The following CACNA1C variants were observed in gnomAD, a reference collection of about 807,000 sequenced individuals.
The protein encoded by CACNA1C is voltage-dependent L-type calcium channel subunit alpha-1C.
Under a neutral mutation model 229.0 loss-of-function variants are expected in CACNA1C, and 30 were observed. The ratio of observed to expected loss-of-function variants is 0.13; its 90% CI spans 0.10 to 0.18. The LOEUF (loss-of-function observed/expected upper bound fraction) is 0.18, where lower values mean the gene tolerates loss of function less well. Among genes scored for constraint, CACNA1C ranks in the 10% least tolerant of loss-of-function variants. The pLI, the probability that CACNA1C is intolerant of heterozygous loss-of-function variation, is 1.00. For synonymous variants in CACNA1C, 1,114 were observed against 1,132.5 expected, an observed-to-expected ratio of 0.98 and a Z score of 0.33; for missense variants, 1,658 against 2,845.0, an observed-to-expected ratio of 0.58 and a Z score of 9.49.
At chr12:2,030,271 C>T (rs1347386065) in intron 1 of CACNA1C, among the ~76,000 whole-genome samples, 1 of 152,136 alleles carries the variant, frequency 6.6e-6, no homozygotes, top group Non-Finnish European at 1.5e-5. Context: ...CTTTTTTAAG[C>T]TTGGATCCAA....
chr12:2,250,526 CAG>C (rs1032714500), intron 3 of CACNA1C, among the ~76,000 whole-genome samples: 4 of 152,212 alleles, frequency 2.6e-5, no homozygotes, highest in East Asian at 1.9e-4. Context: ...AGCAACTACT[CAG>C]GGGGACAAAC....
At chr12:2,478,908 G>A (rs1009650453) in intron 5 of CACNA1C, among the ~76,000 whole-genome samples, 27 of 152,186 alleles carry the variant, frequency 1.8e-4, no homozygotes, top group Admixed American at 1.6e-3. Context: ...GTAGCCTCAA[G>A]AAAGGGAACC....
At chr12:2,422,428 C>T (rs1296551161) in intron 3 of CACNA1C, among the ~76,000 whole-genome samples, 1 of 152,026 alleles carries the variant, frequency 6.6e-6, no homozygotes, top group African/African-American at 2.4e-5. Flanking sequence ...TTGGTGCCTC[C>T]CCAGCCATCT....
Position 2,605,051 on chromosome 12 carries a change from C to CT in CACNA1C, c.2961-28dup. 1 of 1,552,270 alleles carries CT rather than the reference C, an allele frequency of 6.4e-7. No individual in the cohort carries two copies. Among genetic ancestry groups the CT allele is most frequent in the Non-Finnish European group, 8.9e-7 (1 of 1,123,638 alleles). ...TTGCTCCCCCCAGAAACAGGAGGAG[C>CT]TTACTACCCTGCCTGTTTCCCTCTC... is the stretch of plus-strand genomic sequence containing the variant. On this transcript the variant is annotated intron_variant, in intron 22 of 46. Transcript: ENST00000399655. This position sits in a 1 kb window ranked among gnomAD's most constrained non-coding sequence, Gnocchi z 6.2.
intron 1 of CACNA1C, among the ~76,000 whole-genome samples, chr12:2,028,583 A>G (rs552137218): frequency 5.9e-5 from 9 of 152,282 alleles, no homozygotes; most frequent in African/African-American, 9.6e-5. Context: ...TTAGAACTAA[A>G]ATAAAATACA....
At position 2,115,245 on chromosome 12, in the gene CACNA1C, G is replaced by T; in HGVS notation, c.71G>T (p.Arg24Leu). 1 of 1,580,032 alleles carries T rather than the reference G, an allele frequency of 6.3e-7. No individual in the cohort carries two copies. The highest frequency in any genetic ancestry group is 8.6e-7 in the Non-Finnish European group (1 of 1,161,556). Residue 24 changes from arginine to leucine, a missense_variant, in exon 2 of 47, where the codon CGC (arginine) becomes CTC (leucine). Arg to Leu is a moderately radical substitution (Grantham distance 102). Around this residue, in one of 20 missense-constraint regions of CACNA1C, gnomAD observed 111 missense variants for 128.0 expected, o/e 0.87. Coordinates refer to ENST00000399655, the MANE Select transcript of CACNA1C (RefSeq NM_000719.7). ...NHQGSNYGSP[R>L]PAHANMNANA... ...ACAGGTTCCAACTATGGGAGCCCAC[G>T]CCCCGCCCATGCCAACATGAATGCC... is the stretch of plus-strand genomic sequence containing the variant.
chr12:2,567,230 C>T (rs898026202), intron 12 of CACNA1C, among the ~76,000 whole-genome samples: 4 of 152,206 alleles, frequency 2.6e-5, no homozygotes, highest in African/African-American at 4.8e-5. Flanking sequence ...GCTGTTTGGC[C>T]TGCACAGGCT....
rs560143498 is a variant in CACNA1C, at chr12:2,633,945, C to G, written c.3829-352C>G. On this transcript the variant is annotated intron_variant, in intron 29 of 46. Coordinates refer to ENST00000399655, the MANE Select transcript of CACNA1C (RefSeq NM_000719.7). This position sits in a 1 kb window ranked among gnomAD's most constrained non-coding sequence, Gnocchi z 5.8. ...TTACCTCAGCTCTGCCCGGCGCTGC[C>G]GGGCTGGGGCGTGGAGCTGAGCAGA... Among the ~76,000 whole-genome samples the G allele has an allele frequency of 6.6e-6, 1 of 152,300 alleles. No homozygotes were observed. The highest frequency in any genetic ancestry group is 2.1e-4 in the South Asian group (1 of 4,834).
chr12:2,448,057 C>T (rs2154562639), intron 3 of CACNA1C, among the ~76,000 whole-genome samples: 1 of 152,338 alleles, frequency 6.6e-6, no homozygotes, highest in South Asian at 2.1e-4. Context: ...TAAGGCTCTG[C>T]ACTTGGGATG....
intron 3 of CACNA1C, among the ~76,000 whole-genome samples, chr12:2,446,759 AGTGG>A (rs2154562321): frequency 7.1e-6 from 1 of 140,728 alleles, no homozygotes; most frequent in South Asian, 2.5e-4. Context: ...ATGAGTAGTG[AGTGG>A]GTGGGTGGGT....
intron 1 of CACNA1C, among the ~76,000 whole-genome samples, chr12:2,093,146 C>G (rs889667002): frequency 6.6e-6 from 1 of 152,342 alleles, no homozygotes; most frequent in African/African-American, 2.4e-5. Flanking sequence ...GTTACAGAGT[C>G]AGAAAGAGCA....
intron 3 of CACNA1C, among the ~76,000 whole-genome samples, chr12:2,263,875 G>C (rs559633984): frequency 1.3e-5 from 2 of 152,214 alleles, no homozygotes; most frequent in African/African-American, 4.8e-5. Flanking sequence ...TGACTGTAGA[G>C]GTCTAGGCTG....
intron 3 of CACNA1C, among the ~76,000 whole-genome samples, chr12:2,189,808 AG>A (rs60033413): frequency 0.45 from 66,694 of 149,044 alleles, 15,353 homozygotes; most frequent in African/African-American, 0.61. Flanking sequence ...TAAAGAAGAA[AG>A]AAAAAAACTC....
At chr12:2,469,098 A>G (rs1387673006) in intron 5 of CACNA1C, among the ~76,000 whole-genome samples, 2 of 152,192 alleles carry the variant, frequency 1.3e-5, no homozygotes, top group East Asian at 3.8e-4. Flanking sequence ...CCAGTAGACT[A>G]TGTGGTGTAT....
intron 3 of CACNA1C, among the ~76,000 whole-genome samples, chr12:2,388,278 T>A (rs1395000807): frequency 6.6e-6 from 1 of 152,202 alleles, no homozygotes; most frequent in Non-Finnish European, 1.5e-5. Flanking sequence ...AGGTCTTATG[T>A]GTTCCCACCA....
chr12:2,606,154 C>T (rs2075240841), intron 24 of CACNA1C, among the ~76,000 whole-genome samples: 1 of 152,216 alleles, frequency 6.6e-6, no homozygotes, highest in Admixed American at 6.5e-5. Context: ...CACCACCCAG[C>T]TTTCAGAGCC....
intron 3 of CACNA1C, among the ~76,000 whole-genome samples, chr12:2,187,787 T>A (rs2097090770): frequency 6.6e-6 from 1 of 152,234 alleles, no homozygotes; most frequent in South Asian, 2.1e-4. Flanking sequence ...CCGACTTTGC[T>A]CGGTGACCCC....
At chr12:2,498,667 T>A (rs1192636966) in intron 7 of CACNA1C, among the ~76,000 whole-genome samples, 2 of 152,200 alleles carry the variant, frequency 1.3e-5, no homozygotes, top group Non-Finnish European at 2.9e-5. Context: ...TGGGGGTCAG[T>A]GCCCTCTGTG....
At chr12:2,246,954 C>T (rs916449028) in intron 3 of CACNA1C, among the ~76,000 whole-genome samples, 1 of 152,196 alleles carries the variant, frequency 6.6e-6, no homozygotes, top group African/African-American at 2.4e-5. Context: ...CGTTCTTCCC[C>T]CATGCACACA....
Sources: gnomAD v4.1 joint callset for allele counts (sites outside exome capture counted in the v4.1 genomes callset) on GRCh38, gnomAD v4.1.1 for gene constraint, gnomAD v4.1.1 regional missense constraint, Gnocchi (gnomAD v3.1) non-coding constraint, MANE v1.5 for transcripts, NCBI Gene and HGNC (gene_info 2026-07-23, HGNC 2026-07-21) for gene names.